DCDC2C: variants seen among roughly 807,000 people sequenced by gnomAD.
DCDC2C encodes the protein doublecortin domain containing 2C, also known as doublecortin domain-containing protein 2C.
DCDC2C carries 44 observed loss-of-function variants against 45.0 expected under a neutral mutation model. That is an observed-to-expected ratio of 0.98 (90% CI 0.77 to 1.26). The LOEUF (loss-of-function observed/expected upper bound fraction) is 1.26. DCDC2C is among the 50% of genes most tolerant of loss of function. The pLI is 0.00. For synonymous variants in DCDC2C, 187 were observed against 178.8 expected, an observed-to-expected ratio of 1.05 and a Z score of -0.37; for missense variants, 447 against 468.9, an observed-to-expected ratio of 0.95 and a Z score of 0.43.
chr2:3,823,483 G>A (rs954187436), intron 10 of DCDC2C, among the ~76,000 whole-genome samples: 3 of 152,068 alleles, frequency 2.0e-5, no homozygotes, highest in Non-Finnish European at 4.4e-5. Flanking sequence ...TGTCTTGTTG[G>A]TTTATGTTGT....
At chr2:3,718,354 A>G (rs923006411) in intron 2 of DCDC2C, among the ~76,000 whole-genome samples, 5 of 152,102 alleles carry the variant, frequency 3.3e-5, no homozygotes, top group African/African-American at 9.7e-5. Flanking sequence ...GTCTGATTCT[A>G]TGGGACGGCT....
intron 6 of DCDC2C, 104 bp from the exon 7 acceptor site, chr2:3,767,650 T>C (rs995085642): frequency 1.5e-6 from 2 of 1,345,028 alleles, no homozygotes; most frequent in Admixed American, 5.3e-5. Context: ...TCCTACTGTT[T>C]CTCTGAGGAA....
At chr2:3,798,632 C>A (rs1314012619) in intron 10 of DCDC2C, among the ~76,000 whole-genome samples, 1 of 149,608 alleles carries the variant, frequency 6.7e-6, no homozygotes, top group Non-Finnish European at 1.5e-5. Flanking sequence ...ACTTATGAAG[C>A]TTAGTTTGGC....
intron 10 of DCDC2C, among the ~76,000 whole-genome samples, chr2:3,815,058 C>T (rs1370934897): frequency 6.6e-6 from 1 of 152,256 alleles, no homozygotes; most frequent in South Asian, 2.1e-4. Context: ...GTGCTGGTTG[C>T]CCCTCCTCTT....
chr2:3,731,953 T>G (rs1334346399), intron 3 of DCDC2C, among the ~76,000 whole-genome samples: 2 of 152,098 alleles, frequency 1.3e-5, no homozygotes. Context: ...GAGGCCATTA[T>G]GAAGGGGGTC....
intron 6 of DCDC2C, among the ~76,000 whole-genome samples, chr2:3,758,798 A>G (rs1669798069): frequency 6.6e-6 from 1 of 152,212 alleles, no homozygotes; most frequent in Non-Finnish European, 1.5e-5. Context: ...AGCTGGCCTC[A>G]CTAACACATC....
chr2:3,728,676 T>A (rs357944), intron 3 of DCDC2C, among the ~76,000 whole-genome samples: 149,711 of 152,368 alleles, frequency 0.98, 73,596 homozygotes, highest in East Asian at 1. Context: ...CTACCACAAA[T>A]AAACCTGATC....
At chr2:3,765,608 A>G (rs940537716) in intron 6 of DCDC2C, among the ~76,000 whole-genome samples, 2 of 152,184 alleles carry the variant, frequency 1.3e-5, no homozygotes, top group African/African-American at 4.8e-5. Context: ...GGAAGTGATG[A>G]GGCGTGCTGG....
chr2:3,784,230 T>A (rs1487599834), intron 9 of DCDC2C, among the ~76,000 whole-genome samples: 1 of 152,242 alleles, frequency 6.6e-6, no homozygotes, highest in Non-Finnish European at 1.5e-5. Context: ...TATTTTTATG[T>A]TAATATGGAT....
intron 10 of DCDC2C, among the ~76,000 whole-genome samples, chr2:3,824,614 A>G (rs943456075): frequency 6.6e-6 from 1 of 152,018 alleles, no homozygotes; most frequent in Non-Finnish European, 1.5e-5. Flanking sequence ...CTTCAAATTC[A>G]TTACTTTCTG....
intron 8 of DCDC2C, among the ~76,000 whole-genome samples, chr2:3,776,832 C>CCCTGTCCT: frequency 6.6e-6 from 1 of 152,208 alleles, no homozygotes; most frequent in East Asian, 1.9e-4. Context: ...GGTCTCCTTC[C>CCCTGTCCT]CCTGTCCTCA....
At chr2:3,755,439 GTGTA>G (rs1246681064) in intron 6 of DCDC2C, among the ~76,000 whole-genome samples, 2 of 149,770 alleles carry the variant, frequency 1.3e-5, no homozygotes, top group Non-Finnish European at 3.0e-5. Flanking sequence ...AGGCATGCAT[GTGTA>G]TGTATGAATG....
At chr2:3,735,419 C>T (rs372060882) in intron 3 of DCDC2C, among the ~76,000 whole-genome samples, 1 of 151,972 alleles carries the variant, frequency 6.6e-6, no homozygotes, top group Admixed American at 6.6e-5. Flanking sequence ...CCCCTGCCCC[C>T]CACCCCACAA....
intron 10 of DCDC2C, among the ~76,000 whole-genome samples, chr2:3,821,223 G>A (rs1671681293): frequency 6.6e-6 from 1 of 152,198 alleles, no homozygotes; most frequent in South Asian, 2.1e-4. Context: ...CATCAGTTAA[G>A]GCAGGAACTA....
intron 10 of DCDC2C, among the ~76,000 whole-genome samples, chr2:3,797,888 G>T (rs566154116): frequency 1.4e-5 from 2 of 147,676 alleles, no homozygotes; most frequent in Non-Finnish European, 3.0e-5. Flanking sequence ...TATTAGGTCC[G>T]CTCAGTCCAG....
chr2:3,798,753 T>C (rs1438736807), intron 10 of DCDC2C, among the ~76,000 whole-genome samples: 1 of 152,230 alleles, frequency 6.6e-6, no homozygotes, highest in Admixed American at 6.5e-5. Context: ...GTTAGTCTGA[T>C]GGGCTTCCCT....
chr2:3,765,582 A>C (rs1411150867), intron 6 of DCDC2C, among the ~76,000 whole-genome samples: 3 of 152,168 alleles, frequency 2.0e-5, no homozygotes, highest in Non-Finnish European at 2.9e-5. Context: ...CTACCTCCTT[A>C]AGGGTTTGAA....
chr2:3,748,027 C>G (rs1394462507), intron 4 of DCDC2C, among the ~76,000 whole-genome samples: 1 of 152,096 alleles, frequency 6.6e-6, no homozygotes, highest in Non-Finnish European at 1.5e-5. Flanking sequence ...GAGGGACCCT[C>G]AGGCACACAG....
intron 10 of DCDC2C, among the ~76,000 whole-genome samples, chr2:3,785,651 C>T (rs887880683): frequency 1.7e-4 from 26 of 152,132 alleles, no homozygotes; most frequent in African/African-American, 6.3e-4. Flanking sequence ...CTCTCCCTGC[C>T]GTCAGCAATA....
Sources: allele counts gnomAD v4.1 joint callset (sites outside exome capture counted in the v4.1 genomes callset), GRCh38; gene constraint gnomAD v4.1.1; transcripts MANE v1.5; gene names NCBI Gene and HGNC (gene_info 2026-07-23, HGNC 2026-07-21).